Variants in NUMB observed in about 807,000 individuals in gnomAD.
NUMB encodes the protein NUMB endocytic adaptor protein.
Under a neutral mutation model 59.7 loss-of-function variants are expected in NUMB, and 29 were observed. That is an observed-to-expected ratio of 0.49 (90% CI 0.36 to 0.66). The LOEUF is 0.66. Among genes scored for constraint, NUMB ranks in the 30% least tolerant of loss-of-function variants. NUMB has a pLI of 0.00. For missense variants in NUMB, 723 were observed against 822.0 expected, an observed-to-expected ratio of 0.88 and a Z score of 1.47; for synonymous variants, 288 against 288.2, an observed-to-expected ratio of 1.00 and a Z score of 0.01.
intron 4 of NUMB, among the ~76,000 whole-genome samples, chr14:73,353,072 GTTT>G (rs71112737): frequency 0.054 from 3,133 of 58,314 alleles, 473 homozygotes; most frequent in South Asian, 0.33. Context: ...AGTTTTTCTT[GTTT>G]TTTTTTTTTT....
chr14:73,458,405 T>TCCTCCGG (rs1884588113), intron 1 of NUMB, 88 bp downstream of exon 1: 2 of 151,782 alleles, frequency 1.3e-5, no homozygotes, highest in Admixed American at 6.6e-5. Flanking sequence ...CAGGCCCCCT[T>TCCTCCGG]CCTCCGGCCT....
intron 4 of NUMB, among the ~76,000 whole-genome samples, chr14:73,352,513 TATATATATATATATA>T (rs1566756321): frequency 0.014 from 332 of 23,922 alleles, 35 homozygotes; most frequent in Non-Finnish European, 0.023. Context: ...TATATATATA[TATATATATATATATA>T]TGTTTTTTTT....
intron 4 of NUMB, among the ~76,000 whole-genome samples, chr14:73,332,855 C>T (rs961409321): frequency 7.2e-6 from 1 of 138,548 alleles, no homozygotes; most frequent in Non-Finnish European, 1.6e-5. Flanking sequence ...GGGAAGCATA[C>T]AATATATGGC....
At chr14:73,360,354 G>A (rs146567301) in intron 3 of NUMB, among the ~76,000 whole-genome samples, 18 of 152,312 alleles carry the variant, frequency 1.2e-4, no homozygotes, top group African/African-American at 3.4e-4. Flanking sequence ...TCAGGAGTTC[G>A]AGACCTGCCT....
chr14:73,390,822 A>T (rs10145232), intron 2 of NUMB, among the ~76,000 whole-genome samples: 80,311 of 150,384 alleles, frequency 0.53, 22,022 homozygotes, highest in East Asian at 0.73. Context: ...GCTAATTTTG[A>T]ATTTTTAGTA....
intron 6 of NUMB, among the ~76,000 whole-genome samples, chr14:73,305,979 T>C (rs1890408025): frequency 6.6e-6 from 1 of 152,234 alleles, no homozygotes; most frequent in Admixed American, 6.5e-5. Flanking sequence ...TTGAAGTCTA[T>C]AATTTAATAT....
At chr14:73,337,350 A>T (rs1394819848) in intron 4 of NUMB, among the ~76,000 whole-genome samples, 1 of 152,070 alleles carries the variant, frequency 6.6e-6, no homozygotes, top group Non-Finnish European at 1.5e-5. Context: ...AAAAATACAA[A>T]ATTAGCTGGG....
intron 4 of NUMB, among the ~76,000 whole-genome samples, chr14:73,334,949 C>CAA (rs10700256): frequency 0.054 from 5,925 of 110,226 alleles, 528 homozygotes; most frequent in African/African-American, 0.19. Flanking sequence ...AACTCTGTCT[C>CAA]AAAAAAAAAA....
rs150162219 is a variant in NUMB at position 73,414,337 on chromosome 14, A to C, written c.-232-4269T>G. On this transcript the variant is annotated intron_variant, in intron 1 of 12. Transcript: ENST00000555238. ...AGGCTTATATGGTCTTAAAGGAAAA[A>C]CTAGTTAAAAAGCAAGAGAAACTCA... Among the ~76,000 whole-genome samples the C allele has an allele frequency of 6.8e-3, 1,040 of 152,296 alleles. 5 individuals carry two copies. Among genetic ancestry groups the C allele is most frequent in the South Asian group, 0.03 (144 of 4,828 alleles).
Position 73,282,456 on chromosome 14 carries a change from C to T in NUMB, c.999G>A (p.Gln333=). The T allele has an allele frequency of 6.2e-7, 1 of 1,614,192 alleles. No homozygotes were observed. The highest frequency in any genetic ancestry group is 8.5e-7 in the Non-Finnish European group (1 of 1,180,030). ...EAESISSLCS[Q]ITNAFSTPED... ...CAGGTGTGCTGAAGGCATTGGTGATCTGTGAGCACAGGGAGCTGATGCTCT... is the reference window on the plus strand; with the variant it reads ...CAGGTGTGCTGAAGGCATTGGTGATTTGTGAGCACAGGGAGCTGATGCTCT... Residue 333 remains glutamine, a synonymous_variant, in exon 11 of 13, where the codon CAG becomes CAA. Transcript: ENST00000555238.
intron 4 of NUMB, among the ~76,000 whole-genome samples, chr14:73,333,384 G>A (rs1207436608): frequency 6.6e-6 from 1 of 152,000 alleles, no homozygotes; most frequent in African/African-American, 2.4e-5. Context: ...ATCTTCTTTA[G>A]GTAAATTTCT....
intron 4 of NUMB, among the ~76,000 whole-genome samples, chr14:73,337,495 CTT>C (rs553499787): frequency 2.2e-3 from 336 of 152,174 alleles, no homozygotes; most frequent in African/African-American, 7.6e-3. Context: ...GAGCACAACT[CTT>C]GTCTCAAAAA....
chr14:73,284,209 T>C lies in NUMB; in HGVS notation c.821A>G (p.Gln274Arg). Residue 274 changes from glutamine to arginine, a missense_variant, in exon 10 of 13, where the codon CAA (glutamine) becomes CGA (arginine). Coordinates refer to ENST00000555238, the MANE Select transcript of NUMB (RefSeq NM_001005743.2). Reference protein sequence around the residue: ...RHAPIEQLARQGSFRGFPALS... With the variant: ...RHAPIEQLARRGSFRGFPALS... ...AGCAGGAAAACCTCGGAAAGAGCCT[T>C]GGCGAGCAAGCTGTTCAATTGGAGC... The C allele has an allele frequency of 6.2e-7, 1 of 1,614,172 alleles. No homozygotes were observed. The highest frequency in any genetic ancestry group is 8.5e-7 in the Non-Finnish European group (1 of 1,180,038).
chr14:73,421,886 C>T (rs10132464), intron 1 of NUMB, among the ~76,000 whole-genome samples: 37,255 of 152,012 alleles, frequency 0.25, 4,887 homozygotes, highest in Non-Finnish European at 0.26. Flanking sequence ...CACCTGTAAT[C>T]CCAGCACTTT....
rs1177523009 is a variant in NUMB at position 73,355,641 on chromosome 14, A to G, written c.111T>C (p.Cys37=). 6.2e-7 allele frequency: 1 copy of G among 1,613,288 alleles called. No homozygotes were observed. The highest frequency in any genetic ancestry group is 1.7e-4 in the Middle Eastern group (1 of 6,058). The stretch of plus-strand genomic sequence containing the variant: ...CAGCTCTTACCTTAACCGGGAAGCT[A>G]CATTTTCCGGTGCGAACGCCTTCTT... The part of the protein sequence containing the change: ...TDEEGVRTGK[C]SFPVKYLGHV... Residue 37 remains cysteine (C), a synonymous_variant, in exon 4 of 13, where the codon TGT becomes TGC. Transcript: ENST00000555238.
intron 5 of NUMB, among the ~76,000 whole-genome samples, chr14:73,318,407 A>C (rs1381197853): frequency 6.6e-6 from 1 of 152,256 alleles, no homozygotes; most frequent in Non-Finnish European, 1.5e-5. Context: ...ACATATATTA[A>C]AACAAATATA....
chr14:73,405,659 C>T (rs1316815326), intron 2 of NUMB, among the ~76,000 whole-genome samples: 1 of 151,962 alleles, frequency 6.6e-6, no homozygotes, highest in Middle Eastern at 3.2e-3. Flanking sequence ...ATGGTGGGGG[C>T]AGCAGCAACA....
intron 1 of NUMB, among the ~76,000 whole-genome samples, chr14:73,451,910 T>C (rs1884004850): frequency 6.6e-6 from 1 of 152,200 alleles, no homozygotes; most frequent in South Asian, 2.1e-4. Flanking sequence ...GTTACCATAA[T>C]TAAGATTTTG....
chr14:73,443,432 C>T (rs1883218723), intron 1 of NUMB, among the ~76,000 whole-genome samples: 1 of 151,694 alleles, frequency 6.6e-6, no homozygotes, highest in Non-Finnish European at 1.5e-5. Flanking sequence ...CCCATCTCTA[C>T]TAAAATTACA....
Sources: gnomAD v4.1 joint callset for allele counts (sites outside exome capture counted in the v4.1 genomes callset) on GRCh38, gnomAD v4.1.1 for gene constraint, MANE v1.5 for transcripts, NCBI Gene and HGNC (gene_info 2026-07-23, HGNC 2026-07-21) for gene names.